The following NELL2 variants were observed in gnomAD, a reference collection of about 807,000 sequenced individuals.
NELL2 encodes the protein protein kinase C-binding protein NELL2.
A neutral mutation model predicts 109.6 loss-of-function variants in NELL2; 41 were observed. The observed-to-expected ratio is 0.37, with a 90% CI of 0.29 to 0.49. The LOEUF (loss-of-function observed/expected upper bound fraction) is 0.49. NELL2 is among the 20% of genes least tolerant of loss of function. The pLI is 0.98. For missense variants in NELL2, 900 were observed against 1,008.3 expected (o/e 0.89, Z 1.45); for synonymous variants, 355 against 344.7 (o/e 1.03, Z -0.33).
chr12:44,743,389 T>C (rs1329750723), intron 9 of NELL2, among the ~76,000 whole-genome samples: 1 of 152,092 alleles, frequency 6.6e-6, no homozygotes, highest in East Asian at 1.9e-4. Context: ...AGAAACTGCA[T>C]CAACTAACGA....
intron 13 of NELL2, among the ~76,000 whole-genome samples, chr12:44,646,391 A>T (rs1947097741): frequency 6.6e-6 from 1 of 152,336 alleles, no homozygotes; most frequent in South Asian, 2.1e-4. Flanking sequence ...GATGGAGAAT[A>T]TGTTCTAAGA....
chr12:44,687,910 A>G (rs960038229), intron 12 of NELL2, among the ~76,000 whole-genome samples: 5 of 152,156 alleles, frequency 3.3e-5, no homozygotes, highest in African/African-American at 9.7e-5. Flanking sequence ...CATTTCTGTA[A>G]TGAAAAATGA....
chr12:44,911,916 A>C (rs1945784094), intron 1 of NELL2, among the ~76,000 whole-genome samples: 1 of 151,780 alleles, frequency 6.6e-6, no homozygotes, highest in Non-Finnish European at 1.5e-5. Context: ...ACATGTATAC[A>C]TATGTAACAA....
At chr12:44,552,800 G>T (rs73096363) in intron 15 of NELL2, among the ~76,000 whole-genome samples, 1 of 152,096 alleles carries the variant, frequency 6.6e-6, no homozygotes, top group Admixed American at 6.6e-5. Context: ...ATGTCTTAAA[G>T]TTGTTGCTGT....
chr12:44,617,572 G>T (rs2136264823), intron 13 of NELL2, among the ~76,000 whole-genome samples: 1 of 133,030 alleles, frequency 7.5e-6, no homozygotes, highest in Admixed American at 7.1e-5. Context: ...GGCGCCTGTA[G>T]TCCCAGCTAC....
chr12:44,872,674 T>A (rs561360486), intron 2 of NELL2, among the ~76,000 whole-genome samples: 1 of 152,130 alleles, frequency 6.6e-6, no homozygotes, highest in Non-Finnish European at 1.5e-5. Flanking sequence ...CAGGAAAAAT[T>A]TGATGGTCCA....
rs142248198 is a variant in NELL2, at chr12:44,841,172, G to A, written c.185-25036C>T. On this transcript the variant is annotated intron_variant, in intron 2 of 19. Coordinates refer to ENST00000429094, the MANE Select transcript of NELL2 (RefSeq NM_001145108.2). ...AATAGATAGAAAAGAACAGAAATTG[G>A]CAGGCTATGTAGTATGGCATTTCAA... Among the ~76,000 whole-genome samples the A allele has an allele frequency of 4.0e-4, 61 of 152,264 alleles. 2 individuals carry two copies. The East Asian group carries it at 0.011, about 26-fold the overall frequency.
chr12:44,785,918 T>A (rs1005186694), intron 3 of NELL2, among the ~76,000 whole-genome samples: 1 of 151,972 alleles, frequency 6.6e-6, no homozygotes, highest in African/African-American at 2.4e-5. Context: ...CCCAAAACCA[T>A]AAAAACCCTA....
intron 15 of NELL2, among the ~76,000 whole-genome samples, chr12:44,596,573 C>T (rs1175496332): frequency 1.3e-5 from 2 of 152,074 alleles, no homozygotes; most frequent in East Asian, 1.9e-4. Context: ...TCAACAATGT[C>T]ATGAAACAGG....
chr12:44,540,178 G>T (rs146056292), intron 15 of NELL2, among the ~76,000 whole-genome samples: 1 of 152,192 alleles, frequency 6.6e-6, no homozygotes, highest in East Asian at 1.9e-4. Flanking sequence ...ATGAAAGACT[G>T]AAAACATTTT....
intron 2 of NELL2, among the ~76,000 whole-genome samples, chr12:44,836,009 G>A (rs1233327958): frequency 6.6e-6 from 1 of 152,194 alleles, no homozygotes; most frequent in Non-Finnish European, 1.5e-5. Flanking sequence ...TAGGGCATAA[G>A]GTATGTGGGA....
chr12:44,585,871 G>T (rs1022378386), intron 15 of NELL2, among the ~76,000 whole-genome samples: 1 of 151,486 alleles, frequency 6.6e-6, no homozygotes, highest in Non-Finnish European at 1.5e-5. Context: ...CCATAACAAA[G>T]AATTATTGGG....
intron 15 of NELL2, among the ~76,000 whole-genome samples, chr12:44,566,821 AT>A (rs58233324): frequency 0.014 from 2,113 of 145,732 alleles, 27 homozygotes; most frequent in African/African-American, 0.037. Context: ...TACTATATGC[AT>A]TTTTTTTTTT....
At chr12:44,716,698 C>T (rs1938506023) in intron 9 of NELL2, among the ~76,000 whole-genome samples, 1 of 151,946 alleles carries the variant, frequency 6.6e-6, no homozygotes, top group African/African-American at 2.4e-5. Context: ...CTATTCAGTA[C>T]CTGCCATTCA....
intron 19 of NELL2, among the ~76,000 whole-genome samples, chr12:44,518,357 A>G (rs1028687158): frequency 1.3e-5 from 2 of 151,228 alleles, no homozygotes; most frequent in Non-Finnish European, 2.9e-5. Context: ...CCATTCTCCT[A>G]CCTCAGCCTC....
intron 15 of NELL2, among the ~76,000 whole-genome samples, chr12:44,598,215 G>C (rs1252067910): frequency 6.9e-6 from 1 of 144,422 alleles, no homozygotes; most frequent in Admixed American, 7.0e-5. Context: ...TTATCTATTA[G>C]ATGGATAGGG....
chr12:44,801,930 C>T (rs138489631), intron 3 of NELL2, among the ~76,000 whole-genome samples: 1 of 83,546 alleles, frequency 1.2e-5, no homozygotes, highest in East Asian at 2.9e-4. Flanking sequence ...AGTCCAGGTA[C>T]TCAAGGAACT....
intron 2 of NELL2, among the ~76,000 whole-genome samples, chr12:44,845,254 A>C (rs1944337327): frequency 6.6e-6 from 1 of 152,230 alleles, no homozygotes; most frequent in South Asian, 2.1e-4. Flanking sequence ...TATGTATAAA[A>C]AGATAGTGCC....
chr12:44,660,062 G>A (rs916045970), intron 13 of NELL2, among the ~76,000 whole-genome samples: 1 of 152,134 alleles, frequency 6.6e-6, no homozygotes, highest in Non-Finnish European at 1.5e-5. Context: ...TAGAAGAAAG[G>A]AGACAGAAGA....
Sources: allele counts gnomAD v4.1 joint callset (sites outside exome capture counted in the v4.1 genomes callset), GRCh38; gene constraint gnomAD v4.1.1; transcripts MANE v1.5; gene names NCBI Gene and HGNC (gene_info 2026-07-23, HGNC 2026-07-21).